Variants in GLIS3 observed in about 807,000 individuals in gnomAD.
GLIS3 encodes GLIS family zinc finger 3, also known as zinc finger protein GLIS3.
GLIS3 carries 53 observed loss-of-function variants against 78.6 expected under a neutral mutation model. The ratio of observed to expected loss-of-function variants is 0.67; its 90% CI spans 0.54 to 0.85. The LOEUF is 0.85. Among genes scored for constraint, GLIS3 ranks in the 40% least tolerant of loss-of-function variants. GLIS3 has a pLI of 0.00. For missense variants in GLIS3, 1,703 were observed against 1,231.1 expected, an observed-to-expected ratio of 1.38 and a Z score of -5.74; for synonymous variants, 684 against 509.9, an observed-to-expected ratio of 1.34 and a Z score of -4.60.
chr9:4,387,529 T>TC, the GLIS3 span, among the ~76,000 whole-genome samples: 1 of 152,292 alleles, frequency 6.6e-6, no homozygotes, highest in Admixed American at 6.5e-5. Flanking sequence ...GCATTTAAAA[T>TC]TTTTGAGAGA....
intron 4 of GLIS3, among the ~76,000 whole-genome samples, chr9:3,989,831 A>G (rs536078580): frequency 6.6e-6 from 1 of 152,314 alleles, no homozygotes; most frequent in South Asian, 2.1e-4. Flanking sequence ...GAACACAAGA[A>G]ACTGCACTAG....
chr9:4,465,195 G>A, the GLIS3 span, among the ~76,000 whole-genome samples: 1 of 152,332 alleles, frequency 6.6e-6, no homozygotes, highest in South Asian at 2.1e-4. Flanking sequence ...CCAGAGAAAG[G>A]ATAATCCTGT....
intron 2 of GLIS3, among the ~76,000 whole-genome samples, chr9:4,229,175 A>G (rs1478607109): frequency 6.6e-6 from 1 of 152,256 alleles, no homozygotes; most frequent in Non-Finnish European, 1.5e-5. Context: ...ATGAGGGAAC[A>G]GCAACATTGG....
At chr9:4,467,692 G>C in the GLIS3 span, among the ~76,000 whole-genome samples, 10 of 152,128 alleles carry the variant, frequency 6.6e-5, no homozygotes, top group Admixed American at 6.5e-4. Flanking sequence ...AACCAAAACA[G>C]AAAAGCTGAA....
intron 9 of GLIS3, among the ~76,000 whole-genome samples, chr9:3,839,800 T>C (rs893069704): frequency 1.3e-5 from 2 of 152,226 alleles, no homozygotes; most frequent in Non-Finnish European, 2.9e-5. Flanking sequence ...TTACCCAGAC[T>C]GCATCAACAT....
At chr9:4,012,776 T>C (rs1476097830) in intron 4 of GLIS3, among the ~76,000 whole-genome samples, 2 of 143,690 alleles carry the variant, frequency 1.4e-5, no homozygotes, top group Admixed American at 6.9e-5. Context: ...TTTTTTTTTT[T>C]TTTTTTTTTT....
Position 4,189,251 on chromosome 9 carries a change from T to C in GLIS3, c.389-63310A>G, listed in dbSNP as rs908071892. Among the ~76,000 whole-genome samples, 6 of 152,228 alleles carry C rather than the reference T, an allele frequency of 3.9e-5. No homozygotes were observed. In the East Asian group the frequency reaches 9.6e-4, roughly 24 times the overall value. ...CTTTATTTCTGCCTTCATTTCATTA[T>C]GCACCCAGTAGTCATTCAGGAGCAG... On this transcript the variant is annotated intron_variant, in intron 2 of 10. Coordinates refer to ENST00000381971, the MANE Select transcript of GLIS3 (RefSeq NM_001042413.2).
chr9:4,029,635 T>G (rs1823653587), intron 4 of GLIS3, among the ~76,000 whole-genome samples: 1 of 149,942 alleles, frequency 6.7e-6, no homozygotes, highest in Non-Finnish European at 1.5e-5. Context: ...GTAACCATCC[T>G]TCTATTCTCC....
At position 4,120,097 on chromosome 9, in the gene GLIS3, G is replaced by T. The variant is rs143470488; in HGVS notation, c.597-1216C>A. Among the ~76,000 whole-genome samples the T allele has an allele frequency of 3.2e-4, 49 of 152,092 alleles. 1 individual carries two copies. Among genetic ancestry groups the T allele is most frequent in the Non-Finnish European group, 1.9e-4 (13 of 68,026 alleles). ...ATCACAACAAAACGTTATATAAAAC[G>T]TGTCTTCTCAAAATGAACACATTGT... is the stretch of plus-strand genomic sequence containing the variant. On this transcript the variant is annotated intron_variant, in intron 3 of 10. Coordinates refer to ENST00000381971, the MANE Select transcript of GLIS3 (RefSeq NM_001042413.2).
chr9:4,469,127 T>C, the GLIS3 span, among the ~76,000 whole-genome samples: 6 of 152,144 alleles, frequency 3.9e-5, no homozygotes, highest in Non-Finnish European at 8.8e-5. Context: ...AGCACCCAGA[T>C]TCATTAAGCA....
chr9:4,050,343 A>G (rs1053736462), intron 4 of GLIS3, among the ~76,000 whole-genome samples: 1 of 152,166 alleles, frequency 6.6e-6, no homozygotes, highest in Non-Finnish European at 1.5e-5. Flanking sequence ...AAACTATCGC[A>G]AGGACAGAAA....
intron 4 of GLIS3, among the ~76,000 whole-genome samples, chr9:4,101,404 T>C (rs1009670824): frequency 7.9e-5 from 12 of 152,322 alleles, no homozygotes; most frequent in African/African-American, 2.9e-4. Flanking sequence ...TCTTACTTAA[T>C]TTTGTTCTTT....
chr9:4,090,963 C>T (rs1042292423), intron 4 of GLIS3, among the ~76,000 whole-genome samples: 3 of 152,128 alleles, frequency 2.0e-5, no homozygotes, highest in East Asian at 3.8e-4. Context: ...AGGTAAGTTC[C>T]TTGAGCAATG....
chr9:4,193,692 C>T (rs1586935484), intron 2 of GLIS3, among the ~76,000 whole-genome samples: 1 of 152,150 alleles, frequency 6.6e-6, no homozygotes, highest in Non-Finnish European at 1.5e-5. Flanking sequence ...ATGGTGGTGT[C>T]CCCACCTGAG....
the GLIS3 span, among the ~76,000 whole-genome samples, chr9:4,474,133 T>C: frequency 6.6e-6 from 1 of 152,168 alleles, no homozygotes; most frequent in African/African-American, 2.4e-5. Context: ...GGATGATTAA[T>C]AAGCAAGACA....
At chr9:4,371,821 G>T in the GLIS3 span, among the ~76,000 whole-genome samples, 479 of 152,276 alleles carry the variant, frequency 3.1e-3, 3 homozygotes, top group African/African-American at 0.01. Flanking sequence ...TTGCCCTGAA[G>T]ATCTGAACTT....
Position 4,194,928 on chromosome 9 carries a change from G to A in GLIS3, c.389-68987C>T, listed in dbSNP as rs914202487. 1.7e-4 allele frequency among the ~76,000 whole-genome samples: 26 copies of A among 152,344 alleles called. 1 individual carries two copies. The highest frequency in any genetic ancestry group is 1.4e-3 in the Admixed American group (21 of 15,312). ...AGGAGGCCATTTTTAATCCAACTGC[G>A]TACAAAGTCAGTCATTCTGTGACAA... On this transcript the variant is annotated intron_variant, in intron 2 of 10. Transcript: ENST00000381971.
upstream of GLIS3, among the ~76,000 whole-genome samples, chr9:4,300,208 TCACACA>T (rs35733770): frequency 0.48 from 68,552 of 142,700 alleles, 17,482 homozygotes; most frequent in Middle Eastern, 0.63. Flanking sequence ...CTTGACGCAT[TCACACA>T]CACACACACA....
At chr9:4,377,775 G>A in the GLIS3 span, among the ~76,000 whole-genome samples, 2 of 152,102 alleles carry the variant, frequency 1.3e-5, no homozygotes, top group African/African-American at 4.8e-5. Flanking sequence ...GCAATAATCT[G>A]AAAGTTGCAC....
Sources: allele counts gnomAD v4.1 joint callset (sites outside exome capture counted in the v4.1 genomes callset), GRCh38; gene constraint gnomAD v4.1.1; transcripts MANE v1.5; gene names NCBI Gene and HGNC (gene_info 2026-07-23, HGNC 2026-07-21).